Variants in PTPRJ observed in about 807,000 individuals in gnomAD.
The protein encoded by PTPRJ is protein tyrosine phosphatase receptor type J.
Under a neutral mutation model 141.3 loss-of-function variants are expected in PTPRJ, and 129 were observed. The ratio of observed to expected loss-of-function variants is 0.91; its 90% CI spans 0.79 to 1.06. PTPRJ has a LOEUF of 1.06. PTPRJ is among the 50% of genes least tolerant of loss of function. The pLI is 0.00. For missense variants in PTPRJ, 1,601 were observed against 1,679.7 expected, an observed-to-expected ratio of 0.95 and a Z score of 0.82; for synonymous variants, 610 against 640.5, an observed-to-expected ratio of 0.95 and a Z score of 0.72.
At position 48,054,204 on chromosome 11, in the gene PTPRJ, G is replaced by A. The variant is rs558330551; in HGVS notation, c.97-55854G>A. ...CCGCCTTGGCCTCCCAAAGTGCTGG[G>A]ATTACAGGCGTGAGCCATGGCGCCC... On this transcript the variant is annotated intron_variant, in intron 1 of 24. Coordinates refer to ENST00000418331, the MANE Select transcript of PTPRJ (RefSeq NM_002843.4). 2.0e-5 allele frequency among the ~76,000 whole-genome samples: 3 copies of A among 152,340 alleles called. No individual in the cohort carries two copies. The East Asian group carries it at 5.8e-4, about 29-fold the overall frequency.
At chr11:48,019,734 G>A (rs920049323) in intron 1 of PTPRJ, among the ~76,000 whole-genome samples, 3 of 152,070 alleles carry the variant, frequency 2.0e-5, no homozygotes, top group African/African-American at 4.8e-5. Context: ...GTACCCTATC[G>A]CACTGCACAC....
intron 1 of PTPRJ, among the ~76,000 whole-genome samples, chr11:48,092,438 C>CT (rs1314785632): frequency 1.6e-3 from 240 of 147,214 alleles, no homozygotes; most frequent in African/African-American, 5.6e-3. Context: ...TGTCTTTTTT[C>CT]TTTTTTTTTG....
At chr11:48,142,798 G>C (rs972386008) in intron 11 of PTPRJ, 121 bp from the exon 12 acceptor site, 3 of 1,243,776 alleles carry the variant, frequency 2.4e-6, no homozygotes, top group South Asian at 3.2e-5. Flanking sequence ...TGTTTTGCAC[G>C]AGCCCAGCAT....
At chr11:47,994,755 C>A (rs1449193299) in intron 1 of PTPRJ, among the ~76,000 whole-genome samples, 1 of 152,222 alleles carries the variant, frequency 6.6e-6, no homozygotes, top group African/African-American at 2.4e-5. Flanking sequence ...GGATAAAAAG[C>A]AGGCATCTTG....
Position 48,153,698 on chromosome 11 carries a change from A to G in PTPRJ, c.3139-98A>G, listed in dbSNP as rs147233851. Reference sequence around the variant, plus strand: ...ATGTTTATTCAAAAACAACTTGTCTATGGGACTGTTGGGCTGGTTTCACTG... The same window carrying G: ...ATGTTTATTCAAAAACAACTTGTCTGTGGGACTGTTGGGCTGGTTTCACTG... On this transcript the variant is annotated intron_variant, in intron 18 of 24. Coordinates refer to ENST00000418331, the MANE Select transcript of PTPRJ (RefSeq NM_002843.4). 508 of 752,214 alleles carry G rather than the reference A, an allele frequency of 6.8e-4. 2 individuals are homozygous for G. The East Asian group carries it at 9.9e-3, about 15-fold the overall frequency. The allele number at this position is 752,214 out of a possible 1,614,324, so 46.6% of individuals were successfully genotyped here. A position where few individuals can be genotyped will look rare whatever the true frequency, so the allele number is the denominator to read the frequency against.
intron 1 of PTPRJ, among the ~76,000 whole-genome samples, chr11:48,019,563 G>A (rs192701452): frequency 6.6e-6 from 1 of 152,220 alleles, no homozygotes; most frequent in East Asian, 1.9e-4. Context: ...CCAGGGTACT[G>A]TGTTAACTGT....
intron 1 of PTPRJ, among the ~76,000 whole-genome samples, chr11:48,036,033 ATTC>A (rs1854116554): frequency 6.6e-6 from 1 of 152,224 alleles, no homozygotes; most frequent in African/African-American, 2.4e-5. Flanking sequence ...TTAATAGTGC[ATTC>A]TTCTCAGTCA....
chr11:48,027,387 G>A (rs985082400), intron 1 of PTPRJ, among the ~76,000 whole-genome samples: 1 of 152,012 alleles, frequency 6.6e-6, no homozygotes, highest in Non-Finnish European at 1.5e-5. Flanking sequence ...TAAAAGGGAG[G>A]GCCATCATGC....
intron 1 of PTPRJ, among the ~76,000 whole-genome samples, chr11:48,089,525 A>C (rs1185889958): frequency 6.6e-6 from 1 of 151,848 alleles, no homozygotes; most frequent in African/African-American, 2.4e-5. Context: ...CAAAAAAAAA[A>C]AAAAAAACAA....
intron 1 of PTPRJ, among the ~76,000 whole-genome samples, chr11:48,065,272 C>T (rs1855055749): frequency 1.3e-5 from 2 of 152,196 alleles, no homozygotes; most frequent in South Asian, 4.2e-4. Flanking sequence ...CCTCTGCCTC[C>T]CAAAGTGATG....
intron 1 of PTPRJ, among the ~76,000 whole-genome samples, chr11:48,094,982 C>G (rs1039428219): frequency 6.6e-6 from 1 of 152,076 alleles, no homozygotes; most frequent in Non-Finnish European, 1.5e-5. Context: ...GGGCCATGGT[C>G]GGAGAGAAGG....
At chr11:48,144,060 C>T (rs193213078) in intron 12 of PTPRJ, among the ~76,000 whole-genome samples, 12 of 151,976 alleles carry the variant, frequency 7.9e-5, no homozygotes, top group Admixed American at 7.9e-4. Flanking sequence ...GCAGTGTTTC[C>T]TCTGCCCACT....
intron 10 of PTPRJ, among the ~76,000 whole-genome samples, chr11:48,138,809 C>G (rs1173015145): frequency 6.6e-6 from 1 of 152,154 alleles, no homozygotes; most frequent in Non-Finnish European, 1.5e-5. Context: ...GCAGATGGGA[C>G]AGTATAGGCC....
chr11:48,164,337 C>A (rs776089295), intron 23 of PTPRJ, 43 bp from the exon 24 acceptor site: 4 of 1,602,812 alleles, frequency 2.5e-6, no homozygotes, highest in South Asian at 2.2e-5. Flanking sequence ...GGGTTGCAGT[C>A]GAGGGAACCC....
chr11:48,040,115 A>G (rs969957478), intron 1 of PTPRJ, among the ~76,000 whole-genome samples: 2 of 152,164 alleles, frequency 1.3e-5, no homozygotes, highest in East Asian at 1.9e-4. Context: ...GACATTGCCA[A>G]TGCATCCTGT....
intron 5 of PTPRJ, among the ~76,000 whole-genome samples, chr11:48,124,422 C>T (rs1042224190): frequency 2.8e-4 from 43 of 152,316 alleles, no homozygotes; most frequent in Middle Eastern, 6.8e-3. Flanking sequence ...TTCCTGCTAG[C>T]GGGAGGCCTT....
intron 1 of PTPRJ, among the ~76,000 whole-genome samples, chr11:48,022,333 G>A (rs1308365874): frequency 6.6e-6 from 1 of 152,018 alleles, no homozygotes; most frequent in African/African-American, 2.4e-5. Context: ...GCCTGGTGGT[G>A]CATGCCTGTA....
chr11:48,117,061 A>G (rs1856583816), intron 3 of PTPRJ, among the ~76,000 whole-genome samples: 1 of 152,256 alleles, frequency 6.6e-6, no homozygotes, highest in African/African-American at 2.4e-5. Flanking sequence ...CATCTCCCAC[A>G]GTAACTATTG....
At chr11:48,144,046 T>C (rs1857295483) in intron 12 of PTPRJ, among the ~76,000 whole-genome samples, 1 of 151,894 alleles carries the variant, frequency 6.6e-6, no homozygotes, top group Non-Finnish European at 1.5e-5. Flanking sequence ...TATGCATGAA[T>C]AATGCAGTGT....
Sources: allele counts gnomAD v4.1 joint callset (sites outside exome capture counted in the v4.1 genomes callset), GRCh38; gene constraint gnomAD v4.1.1; transcripts MANE v1.5; gene names NCBI Gene and HGNC (gene_info 2026-07-23, HGNC 2026-07-21).